The following LUZP2 variants were observed in gnomAD, a reference collection of about 807,000 sequenced individuals.
LUZP2 encodes leucine zipper protein 2.
Under a neutral mutation model 51.6 loss-of-function variants are expected in LUZP2, and 52 were observed. That is an observed-to-expected ratio of 1.01 (90% CI 0.81 to 1.27). The LOEUF is 1.27. Ranked by LOEUF, LUZP2 falls within the 50% of genes most tolerant of loss-of-function variation. The pLI is 0.00. For missense variants in LUZP2, 436 were observed against 395.4 expected (o/e 1.10, Z -0.87); for synonymous variants, 154 against 137.3 (o/e 1.12, Z -0.85).
chr11:24,803,140 C>A (rs965955657), intron 5 of LUZP2, among the ~76,000 whole-genome samples: 1 of 151,922 alleles, frequency 6.6e-6, no homozygotes, highest in South Asian at 2.1e-4. Context: ...GGGATTAATA[C>A]CTAGAATATA....
chr11:24,946,169 A>T (rs1180629995), intron 7 of LUZP2, among the ~76,000 whole-genome samples: 9 of 152,076 alleles, frequency 5.9e-5, no homozygotes, highest in Admixed American at 5.2e-4. Context: ...GTCATATAAT[A>T]TTCCATTGGG....
chr11:24,914,497 C>T lies in LUZP2; in HGVS notation c.481C>T (p.Leu161=). 1.2e-6 allele frequency: 2 copies of T among 1,609,508 alleles called. No homozygotes were observed. The highest frequency in any genetic ancestry group is 2.2e-5 in the South Asian group (2 of 89,998). The stretch of plus-strand genomic sequence containing the variant: ...ACAGTCAAAAAAAATCCAAGCCCAG[C>T]TGAAGGAGCTTCGTTATGGGAAGAA... ...AEESKKIQAQ[L]KELRYGKKDL... Residue 161 remains leucine (L), a synonymous_variant, in exon 7 of 12, where the codon CTG becomes TTG. Coordinates refer to ENST00000336930, the MANE Select transcript of LUZP2 (RefSeq NM_001009909.4).
intron 1 of LUZP2, among the ~76,000 whole-genome samples, chr11:24,681,205 T>C (rs1219860612): frequency 6.6e-6 from 1 of 151,944 alleles, no homozygotes; most frequent in East Asian, 1.9e-4. Flanking sequence ...ATGGTCTCGA[T>C]CTCCTGACCT....
chr11:24,718,836 C>T (rs1399913705), intron 1 of LUZP2, among the ~76,000 whole-genome samples: 3 of 152,120 alleles, frequency 2.0e-5, no homozygotes, highest in Non-Finnish European at 4.4e-5. Context: ...ATACAGTGTA[C>T]AACGGTGTGT....
chr11:24,778,217 A>G (rs1362404085), intron 5 of LUZP2, among the ~76,000 whole-genome samples: 1 of 152,100 alleles, frequency 6.6e-6, no homozygotes, highest in Non-Finnish European at 1.5e-5. Context: ...CTTGGGCAAC[A>G]TAGTGAGACC....
At chr11:24,915,873 C>T (rs1438770558) in intron 7 of LUZP2, among the ~76,000 whole-genome samples, 1 of 152,024 alleles carries the variant, frequency 6.6e-6, no homozygotes, top group Non-Finnish European at 1.5e-5. Flanking sequence ...AGACATTCAG[C>T]CATGCACCTT....
At chr11:24,997,584 A>G (rs968263546) in intron 9 of LUZP2, among the ~76,000 whole-genome samples, 1 of 152,022 alleles carries the variant, frequency 6.6e-6, no homozygotes, top group Non-Finnish European at 1.5e-5. Flanking sequence ...GTTCACTCTG[A>G]TGGTAGTTTC....
intron 7 of LUZP2, among the ~76,000 whole-genome samples, chr11:24,967,543 A>G (rs1855622001): frequency 6.6e-6 from 1 of 151,554 alleles, no homozygotes; most frequent in Admixed American, 6.6e-5. Context: ...TATTGTAAGC[A>G]TTTTTGAGGC....
chr11:24,997,353 A>C (rs1326353933), intron 9 of LUZP2, among the ~76,000 whole-genome samples: 1 of 152,100 alleles, frequency 6.6e-6, no homozygotes, highest in Non-Finnish European at 1.5e-5. Context: ...TTTGATTTGC[A>C]TTTCTCTGAT....
chr11:25,039,691 C>A (rs1857980453), intron 9 of LUZP2, among the ~76,000 whole-genome samples: 3 of 152,154 alleles, frequency 2.0e-5, no homozygotes, highest in Non-Finnish European at 4.4e-5. Flanking sequence ...CCTAGAGGTC[C>A]AAAGTGAGAT....
chr11:24,695,766 T>C (rs900917495), intron 1 of LUZP2, among the ~76,000 whole-genome samples: 3 of 152,100 alleles, frequency 2.0e-5, no homozygotes, highest in Admixed American at 6.6e-5. Flanking sequence ...CAATGATGTA[T>C]GATTTTTAAA....
chr11:24,891,996 G>A, intron 5 of LUZP2: 1 of 985,598 alleles, frequency 1.0e-6, no homozygotes, highest in South Asian at 4.7e-5. Context: ...GCTGGCATGG[G>A]ACTGGTAGTG....
Position 25,050,150 on chromosome 11 carries a change from C to A in LUZP2, c.858+20C>A, listed in dbSNP as rs1030082195. ...CAAGATGTAAGAAAAACTTAAGATGCTTTTTACAGTATTAGACAGGAGAAA... is the reference window on the plus strand; with the variant it reads ...CAAGATGTAAGAAAAACTTAAGATGATTTTTACAGTATTAGACAGGAGAAA... On this transcript the variant is annotated intron_variant, in intron 10 of 11. Coordinates refer to ENST00000336930, the MANE Select transcript of LUZP2 (RefSeq NM_001009909.4). 8 of 1,482,234 alleles carry A rather than the reference C, an allele frequency of 5.4e-6. No individual in the cohort carries two copies. In the Admixed American group the frequency reaches 5.5e-5, roughly 10 times the overall value. The allele number at this position is 1,482,234 out of a possible 1,614,324, so 91.8% of individuals were successfully genotyped here. A position where few individuals can be genotyped will look rare whatever the true frequency, so the allele number is the denominator to read the frequency against.
chr11:24,513,737 A>G (rs867179529), intron 1 of LUZP2, among the ~76,000 whole-genome samples: 2 of 152,212 alleles, frequency 1.3e-5, no homozygotes, highest in East Asian at 1.9e-4. Flanking sequence ...AATGAATTCC[A>G]TTAATACCAA....
chr11:24,594,264 A>G (rs75604023), intron 1 of LUZP2, among the ~76,000 whole-genome samples: 2,101 of 152,286 alleles, frequency 0.014, 39 homozygotes, highest in South Asian at 0.058. Flanking sequence ...GAATATGTCA[A>G]TGACTTCAGA....
At chr11:24,531,540 G>T (rs1851000087) in intron 1 of LUZP2, among the ~76,000 whole-genome samples, 1 of 150,702 alleles carries the variant, frequency 6.6e-6, no homozygotes, top group Non-Finnish European at 1.5e-5. Context: ...TTCCTATTCA[G>T]CTGTACTTGT....
chr11:24,948,835 CTATCT>C (rs1174262550), intron 7 of LUZP2, among the ~76,000 whole-genome samples: 3 of 17,172 alleles, frequency 1.7e-4, no homozygotes, highest in African/African-American at 1.9e-4. Flanking sequence ...ATCTATCTAT[CTATCT>C]ATCTATCTAT....
chr11:24,914,173 A>G (rs1411546163), intron 6 of LUZP2, among the ~76,000 whole-genome samples: 1 of 152,188 alleles, frequency 6.6e-6, no homozygotes, highest in Non-Finnish European at 1.5e-5. Flanking sequence ...CTAAAATTAG[A>G]TTGTTGGCCA....
intron 1 of LUZP2, among the ~76,000 whole-genome samples, chr11:24,660,971 G>A (rs1856002289): frequency 6.6e-6 from 1 of 152,020 alleles, no homozygotes; most frequent in Admixed American, 6.6e-5. Context: ...TTGTTTCTTG[G>A]AGAAATGTAT....
Sources: gnomAD v4.1 joint callset for allele counts (sites outside exome capture counted in the v4.1 genomes callset) on GRCh38, gnomAD v4.1.1 for gene constraint, MANE v1.5 for transcripts, NCBI Gene and HGNC (gene_info 2026-07-23, HGNC 2026-07-21) for gene names.